Variants in AGBL1 observed in about 807,000 individuals in gnomAD.
AGBL1 encodes AGBL carboxypeptidase 1.
A neutral mutation model predicts 118.9 loss-of-function variants in AGBL1; 130 were observed. The observed-to-expected ratio is 1.09, with a 90% CI of 0.95 to 1.26. The LOEUF (loss-of-function observed/expected upper bound fraction) is 1.26, where lower values mean the gene tolerates loss of function less well. AGBL1 is among the 50% of genes most tolerant of loss of function. The pLI, the probability that AGBL1 is intolerant of heterozygous loss-of-function variation, is 0.00. For synonymous variants in AGBL1, 555 were observed against 478.9 expected, an observed-to-expected ratio of 1.16 and a Z score of -2.08; for missense variants, 1,584 against 1,298.1, an observed-to-expected ratio of 1.22 and a Z score of -3.38.
At chr15:86,321,885 T>G (rs373365507) in intron 17 of AGBL1, among the ~76,000 whole-genome samples, 1 of 152,154 alleles carries the variant, frequency 6.6e-6, no homozygotes, top group African/African-American at 2.4e-5. Flanking sequence ...TTTTTTATTG[T>G]TACTTTTTTT....
At chr15:86,493,104 G>T (rs975618731) in intron 18 of AGBL1, among the ~76,000 whole-genome samples, 2 of 152,136 alleles carry the variant, frequency 1.3e-5, no homozygotes, top group Non-Finnish European at 2.9e-5. Flanking sequence ...TGAGGCAGGA[G>T]AATTACTTGA....
At chr15:86,633,079 T>G (rs1315788434) in intron 21 of AGBL1, among the ~76,000 whole-genome samples, 1 of 152,092 alleles carries the variant, frequency 6.6e-6, no homozygotes, top group African/African-American at 2.4e-5. Flanking sequence ...AAATCTACAC[T>G]TAGACAAGTA....
At chr15:86,285,405 T>C (rs2079425927) in intron 16 of AGBL1, among the ~76,000 whole-genome samples, 1 of 152,056 alleles carries the variant, frequency 6.6e-6, no homozygotes, top group Non-Finnish European at 1.5e-5. Context: ...TTCTTACGTG[T>C]CGTGGGAATT....
chr15:86,463,595 C>G (rs186883870), intron 18 of AGBL1, among the ~76,000 whole-genome samples: 252 of 152,222 alleles, frequency 1.7e-3, no homozygotes, highest in Non-Finnish European at 2.4e-3. Context: ...AATCTTTAAT[C>G]CATCTTGAGT....
chr15:86,428,511 G>A (rs1478226975), intron 18 of AGBL1, among the ~76,000 whole-genome samples: 1 of 152,082 alleles, frequency 6.6e-6, no homozygotes, highest in African/African-American at 2.4e-5. Context: ...AGTCCTTATT[G>A]TCTATTGGAC....
chr15:86,786,490 T>C (rs892251200), intron 22 of AGBL1, among the ~76,000 whole-genome samples: 27 of 152,194 alleles, frequency 1.8e-4, no homozygotes, highest in African/African-American at 6.3e-4. Flanking sequence ...TACATAAAAA[T>C]ATAATAGACA....
chr15:86,293,757 T>C (rs1408543504), intron 16 of AGBL1, among the ~76,000 whole-genome samples: 1 of 152,192 alleles, frequency 6.6e-6, no homozygotes, highest in Non-Finnish European at 1.5e-5. Context: ...TCCATATATT[T>C]TATATATTTG....
At chr15:86,519,848 A>C (rs1210116775) in intron 18 of AGBL1, among the ~76,000 whole-genome samples, 1 of 152,134 alleles carries the variant, frequency 6.6e-6, no homozygotes, top group African/African-American at 2.4e-5. Flanking sequence ...CATTGGCCCA[A>C]TTTCTCTCCA....
chr15:86,641,146 G>A (rs2085183164), intron 21 of AGBL1, among the ~76,000 whole-genome samples: 1 of 151,816 alleles, frequency 6.6e-6, no homozygotes, highest in Non-Finnish European at 1.5e-5. Context: ...TTTCTTTGCA[G>A]TTGTTTGCCT....
intron 17 of AGBL1, among the ~76,000 whole-genome samples, chr15:86,323,271 A>AT (rs1201461306): frequency 2.0e-5 from 3 of 151,956 alleles, no homozygotes; most frequent in African/African-American, 7.3e-5. Flanking sequence ...TTTAATGAAT[A>AT]TTTTTCATAT....
At chr15:86,301,641 GGTGTGTGTGTGTGTGTGTGTGTGTGTGT>G (rs60282415) in intron 17 of AGBL1, among the ~76,000 whole-genome samples, 10 of 137,332 alleles carry the variant, frequency 7.3e-5, no homozygotes, top group East Asian at 2.3e-4. Context: ...TAATCTACAG[GGTGTGTGTGTGTGTGTGTGTGTGTGTGT>G]GTGTGTGTGT....
chr15:86,983,895 A>C (rs1341586426), intron 23 of AGBL1, among the ~76,000 whole-genome samples: 1 of 152,238 alleles, frequency 6.6e-6, no homozygotes, highest in Non-Finnish European at 1.5e-5. Context: ...AGTTCTGAGT[A>C]GTATTCCACT....
intron 18 of AGBL1, among the ~76,000 whole-genome samples, chr15:86,448,625 A>G (rs752065870): frequency 1.3e-5 from 2 of 152,224 alleles, no homozygotes. Flanking sequence ...GTGAATTAGA[A>G]GAAAGGAAGG....
At chr15:86,988,147 AC>A in intron 24 of AGBL1, 1 of 1,580,998 alleles carries the variant, frequency 6.3e-7, no homozygotes, top group Non-Finnish European at 8.6e-7. Context: ...TGGATGAAAT[AC>A]CCTGCATGTG....
At chr15:86,933,930 T>C (rs184404821) in intron 23 of AGBL1, among the ~76,000 whole-genome samples, 7 of 152,318 alleles carry the variant, frequency 4.6e-5, no homozygotes, top group Admixed American at 3.9e-4. Context: ...CTCTGTGGCC[T>C]TATTAAGTTT....
At chr15:86,574,240 T>C (rs2084050841) in intron 21 of AGBL1, among the ~76,000 whole-genome samples, 1 of 152,318 alleles carries the variant, frequency 6.6e-6, no homozygotes, top group South Asian at 2.1e-4. Context: ...TCCTGTTTCC[T>C]GTTAGTCCAA....
chr15:86,224,989 C>A, intron 6 of AGBL1, 38 bp downstream of exon 6: 1 of 1,601,366 alleles, frequency 6.2e-7, no homozygotes, highest in Non-Finnish European at 8.5e-7. Context: ...TTTCTCTCCA[C>A]TCTGGGTTTA....
chr15:86,808,143 C>G (rs901437658), intron 22 of AGBL1, among the ~76,000 whole-genome samples: 1 of 152,088 alleles, frequency 6.6e-6, no homozygotes, highest in Non-Finnish European at 1.5e-5. Flanking sequence ...AATAAATTTT[C>G]AATCCATAAA....
At chr15:86,806,068 A>T (rs1357764405) in intron 22 of AGBL1, among the ~76,000 whole-genome samples, 3 of 152,040 alleles carry the variant, frequency 2.0e-5, no homozygotes, top group African/African-American at 7.2e-5. Flanking sequence ...CACTGTTTGG[A>T]GGCTTGCTGG....
Sources: gnomAD v4.1 joint callset for allele counts (sites outside exome capture counted in the v4.1 genomes callset) on GRCh38, gnomAD v4.1.1 for gene constraint, MANE v1.5 for transcripts, NCBI Gene and HGNC (gene_info 2026-07-23, HGNC 2026-07-21) for gene names.